The following GPAT3 variants were observed in gnomAD, a reference collection of about 807,000 sequenced individuals.
The protein encoded by GPAT3 is 1-AGP acyltransferase 9.
GPAT3 carries 53 observed loss-of-function variants against 58.8 expected under a neutral mutation model. The ratio of observed to expected loss-of-function variants is 0.90; its 90% CI spans 0.72 to 1.13. GPAT3 has a LOEUF of 1.13. Ranked by LOEUF, GPAT3 falls within the 50% of genes most tolerant of loss-of-function variation. The pLI is 0.00. For missense variants in GPAT3, 511 were observed against 527.6 expected, an observed-to-expected ratio of 0.97 and a Z score of 0.31; for synonymous variants, 197 against 187.4, an observed-to-expected ratio of 1.05 and a Z score of -0.42.
intron 9 of GPAT3, 113 bp from the exon 10 acceptor site, chr4:83,597,937 CT>C (rs199690288): frequency 9.3e-5 from 114 of 1,229,070 alleles, no homozygotes; most frequent in Middle Eastern, 2.6e-4. Flanking sequence ...AGTGAAATAA[CT>C]TTTTTTTTCT....
intron 3 of GPAT3, among the ~76,000 whole-genome samples, chr4:83,583,300 A>AAAAG (rs1321817621): frequency 6.6e-6 from 1 of 152,016 alleles, no homozygotes; most frequent in Admixed American, 6.6e-5. Context: ...ATCCAAAAAA[A>AAAAG]AAAGAAAGAA....
At chr4:83,595,891 T>G (rs975742463) in intron 7 of GPAT3, among the ~76,000 whole-genome samples, 1 of 152,262 alleles carries the variant, frequency 6.6e-6, no homozygotes, top group Middle Eastern at 3.4e-3. Context: ...CCATTACTCT[T>G]AATATAATGA....
intron 1 of GPAT3, among the ~76,000 whole-genome samples, chr4:83,543,958 T>C (rs1267492519): frequency 6.6e-6 from 1 of 152,128 alleles, no homozygotes; most frequent in African/African-American, 2.4e-5. Flanking sequence ...TTTCATCGAG[T>C]CCTTTCCAGC....
At chr4:83,579,127 C>CT (rs1553946878) in intron 2 of GPAT3, among the ~76,000 whole-genome samples, 12 of 109,584 alleles carry the variant, frequency 1.1e-4, no homozygotes, top group African/African-American at 3.4e-4. Flanking sequence ...TCCTTCCTTC[C>CT]TTTCTTTCTC....
At chr4:83,538,769 A>G (rs1724191253) in intron 1 of GPAT3, among the ~76,000 whole-genome samples, 2 of 152,214 alleles carry the variant, frequency 1.3e-5, no homozygotes, top group Non-Finnish European at 2.9e-5. Context: ...GGATAACTCC[A>G]GAGCTGAACT....
chr4:83,568,796 C>T (rs758060902), intron 2 of GPAT3, among the ~76,000 whole-genome samples: 52 of 152,214 alleles, frequency 3.4e-4, no homozygotes, highest in South Asian at 1.2e-3. Context: ...TGAGCCACCA[C>T]GCCCGGCCTG....
intron 2 of GPAT3, among the ~76,000 whole-genome samples, chr4:83,575,998 C>A (rs17006887): frequency 0.023 from 3,527 of 152,262 alleles, 141 homozygotes; most frequent in African/African-American, 0.081. Context: ...TATCTTGATG[C>A]GTATTTTCAT....
chr4:83,589,509 C>T (rs1174581492), intron 5 of GPAT3, among the ~76,000 whole-genome samples: 1 of 152,198 alleles, frequency 6.6e-6, no homozygotes, highest in African/African-American at 2.4e-5. Context: ...GCTTGCAAAG[C>T]TTAAAGTATT....
Position 83,590,156 on chromosome 4 carries a change from C to T in GPAT3, c.645-43C>T, listed in dbSNP as rs145760121. 1,279 of 1,549,404 alleles carry T rather than the reference C, an allele frequency of 8.3e-4. 10 individuals are homozygous for T. In the African/African-American group the frequency reaches 0.015, roughly 18 times the overall value. ...TAAGATGAGTATTTACATGCTGTGGCTATTTTAGAAGACTTCGAATTTTCC... is the reference window on the plus strand; with the variant it reads ...TAAGATGAGTATTTACATGCTGTGGTTATTTTAGAAGACTTCGAATTTTCC... On this transcript the variant is annotated intron_variant, in intron 5 of 11. Coordinates refer to ENST00000264409, the MANE Select transcript of GPAT3 (RefSeq NM_032717.5).
chr4:83,595,023 G>T (rs1726764964), intron 7 of GPAT3, 63 bp downstream of exon 7: 2 of 1,459,022 alleles, frequency 1.4e-6, no homozygotes, highest in African/African-American at 2.8e-5. Context: ...TCTTGGCCTT[G>T]CTACCAAAGA....
chr4:83,587,169 A>G, intron 3 of GPAT3, 86 bp from the exon 4 acceptor site: 1 of 1,053,230 alleles, frequency 9.5e-7, no homozygotes, highest in East Asian at 2.4e-5. Context: ...TCTACAACTT[A>G]TTTACAATTT....
At chr4:83,562,215 A>ATATATATAATATATATAT (rs1560611127) in intron 2 of GPAT3, among the ~76,000 whole-genome samples, 58 of 21,922 alleles carry the variant, frequency 2.6e-3, no homozygotes, top group African/African-American at 0.017. Flanking sequence ...TATATATTAT[A>ATATATATAATATATATAT]TATATATATA....
At chr4:83,600,926 T>G (rs1727033019) in intron 11 of GPAT3, among the ~76,000 whole-genome samples, 2 of 152,210 alleles carry the variant, frequency 1.3e-5, no homozygotes, top group South Asian at 4.1e-4. Flanking sequence ...TCAAAAACAC[T>G]TTGCAAGAAA....
intron 5 of GPAT3, among the ~76,000 whole-genome samples, chr4:83,589,482 G>C (rs752885665): frequency 2.0e-5 from 3 of 152,180 alleles, no homozygotes; most frequent in Non-Finnish European, 4.4e-5. Context: ...TCAAGTAATT[G>C]TGACAAGCAT....
At chr4:83,581,524 G>A (rs749280588) in intron 2 of GPAT3, 38 bp from the exon 3 acceptor site, 19 of 1,588,868 alleles carry the variant, frequency 1.2e-5, no homozygotes, top group Admixed American at 1.1e-4. Context: ...TTCTTCTGTC[G>A]TATGGCATTT....
chr4:83,592,055 C>G (rs530660380), intron 6 of GPAT3, among the ~76,000 whole-genome samples: 2 of 152,248 alleles, frequency 1.3e-5, no homozygotes, highest in Non-Finnish European at 1.5e-5. Context: ...CTCAGTATCT[C>G]TCGTTATGCC....
chr4:83,580,816 G>T (rs942736947), intron 2 of GPAT3, among the ~76,000 whole-genome samples: 7 of 152,084 alleles, frequency 4.6e-5, no homozygotes, highest in African/African-American at 1.7e-4. Context: ...TAAAAAATCG[G>T]CCGGGCGTGG....
At chr4:83,547,062 G>T (rs1409205235) in intron 2 of GPAT3, among the ~76,000 whole-genome samples, 1 of 151,910 alleles carries the variant, frequency 6.6e-6, no homozygotes, top group Non-Finnish European at 1.5e-5. Context: ...GCAGTTTTTG[G>T]CCTTGAGAGC....
intron 2 of GPAT3, among the ~76,000 whole-genome samples, chr4:83,564,715 A>G (rs561522081): frequency 6.6e-6 from 1 of 152,182 alleles, no homozygotes; most frequent in East Asian, 1.9e-4. Flanking sequence ...AGAAAAAAAA[A>G]GGATTAGCTT....
Sources: allele counts gnomAD v4.1 joint callset (sites outside exome capture counted in the v4.1 genomes callset), GRCh38; gene constraint gnomAD v4.1.1; transcripts MANE v1.5; gene names NCBI Gene and HGNC (gene_info 2026-07-23, HGNC 2026-07-21).